The following POLH variants were observed in gnomAD, a reference collection of about 807,000 sequenced individuals.
The protein encoded by POLH is DNA polymerase eta, also known as DNA polymerase eta transcript.
Under a neutral mutation model 73.6 loss-of-function variants are expected in POLH, and 53 were observed. The ratio of observed to expected loss-of-function variants is 0.72; its 90% confidence interval spans 0.58 to 0.91. POLH has a LOEUF of 0.91. Among genes scored for constraint, POLH ranks in the 40% least tolerant of loss-of-function variants. POLH has a pLI of 0.00. For missense variants in POLH, 768 were observed against 865.4 expected (o/e 0.89, Z 1.41); for synonymous variants, 292 against 308.5 (o/e 0.95, Z 0.56).
chr6:43,614,197 G>C lies in POLH; in HGVS notation c.1782G>C (p.Glu594Asp). ...AATCCTCTAAAGCAACTCCTGCAGA[G>C]ATGGATTTGGCCCACAACAGCCAAA... ...LEESSKATPA[E>D]MDLAHNSQSM... Residue 594 changes from glutamate to aspartate, a missense_variant, in exon 11 of 11, where the codon GAG becomes GAC. Physicochemically the swap from Glu to Asp is conservative, Grantham distance 45 (BLOSUM62 2). Coordinates refer to ENST00000372236, the MANE Select transcript of POLH (RefSeq NM_006502.3). The C allele has an allele frequency of 6.2e-7, 1 of 1,613,478 alleles. No individual in the cohort carries two copies. Among genetic ancestry groups the C allele is most frequent in the Non-Finnish European group, 8.5e-7 (1 of 1,179,424 alleles).
chr6:43,586,342 G>A (rs958212277), intron 3 of POLH, among the ~76,000 whole-genome samples: 34 of 152,092 alleles, frequency 2.2e-4, no homozygotes, highest in Admixed American at 7.2e-4. Context: ...TTCACCAGGC[G>A]TGGTGGCAGG....
chr6:43,607,906 A>G (rs112769942), intron 9 of POLH, among the ~76,000 whole-genome samples: 5,007 of 152,214 alleles, frequency 0.033, 268 homozygotes, highest in African/African-American at 0.11. Context: ...CGAGGTGGGC[A>G]GATCACCTGA....
chr6:43,592,403 TC>T (rs1358766807), intron 4 of POLH, among the ~76,000 whole-genome samples: 3 of 147,188 alleles, frequency 2.0e-5, no homozygotes, highest in African/African-American at 2.6e-5. Context: ...CTTTGTATCT[TC>T]TTTTTTTTTT....
At position 43,583,133 on chromosome 6, in the gene POLH, C is replaced by T. The variant is rs1238825555; in HGVS notation, c.264C>T (p.Asn88=). Residue 88 remains asparagine (N), a synonymous_variant, in exon 3 of 11, where the codon AAC becomes AAT. Coordinates refer to ENST00000372236, the MANE Select transcript of POLH (RefSeq NM_006502.3). The stretch of plus-strand genomic sequence containing the variant: ...TTCGTGAGTCCCGTGGGAAAGCTAA[C>T]CTCACCAAGTAAGAAAAAAACATTA... ...AQVRESRGKA[N]LTKYREASVE... is the part of the protein sequence containing the mutation. 3 of 1,613,882 alleles carry T rather than the reference C, an allele frequency of 1.9e-6. No homozygotes were observed. Among genetic ancestry groups the T allele is most frequent in the East Asian group, 2.2e-5 (1 of 44,872 alleles).
rs1167886647 is a variant in POLH, at chr6:43,618,693, C to G, written c.*4136C>G. On this transcript the variant is annotated 3_prime_UTR_variant, in exon 11 of 11. Coordinates refer to ENST00000372236, the MANE Select transcript of POLH (RefSeq NM_006502.3). The stretch of plus-strand genomic sequence containing the variant: ...TCGCCCCGGCTGGAATGCAATGGCA[C>G]GATCTCGGCTCACTGCAACCTCCGC... 1.3e-5 allele frequency among the ~76,000 whole-genome samples: 2 copies of G among 152,124 alleles called. No homozygotes were observed. Among genetic ancestry groups the G allele is most frequent in the Non-Finnish European group, 2.9e-5 (2 of 68,024 alleles).
chr6:43,577,822 C>T (rs568616229), intron 1 of POLH, among the ~76,000 whole-genome samples: 8 of 152,338 alleles, frequency 5.3e-5, no homozygotes, highest in East Asian at 3.9e-4. Flanking sequence ...CGGTGGCACA[C>T]GCCTGTAATC....
intron 4 of POLH, among the ~76,000 whole-genome samples, chr6:43,594,395 C>T (rs891137717): frequency 1.8e-4 from 27 of 152,232 alleles, no homozygotes; most frequent in African/African-American, 5.1e-4. Context: ...GCAAAAAATG[C>T]GCAAGCCACT....
chr6:43,582,502 G>A (rs914350706), intron 2 of POLH, 46 bp downstream of exon 2: 6 of 1,586,970 alleles, frequency 3.8e-6, no homozygotes, highest in Non-Finnish European at 5.2e-6. Context: ...GTAACACAGT[G>A]GCACTGTGGC....
At chr6:43,578,311 C>T (rs1227799928) in intron 1 of POLH, 5 of 326,442 alleles carry the variant, frequency 1.5e-5, no homozygotes, top group East Asian at 1.1e-4. Context: ...CGCTTGAACC[C>T]GGGAGGCGTA....
At chr6:43,597,174 G>T (rs535190235) in intron 4 of POLH, among the ~76,000 whole-genome samples, 1 of 152,078 alleles carries the variant, frequency 6.6e-6, no homozygotes, top group Non-Finnish European at 1.5e-5. Flanking sequence ...GGAGTGCAGT[G>T]GCGCAATCTC....
At chr6:43,581,607 C>T (rs1247969470) in intron 1 of POLH, among the ~76,000 whole-genome samples, 1 of 148,436 alleles carries the variant, frequency 6.7e-6, no homozygotes, top group African/African-American at 2.6e-5. Flanking sequence ...TCCCGGGCGG[C>T]GCTCGCCGGC....
At chr6:43,600,263 C>G (rs1766584220) in intron 5 of POLH, among the ~76,000 whole-genome samples, 1 of 151,616 alleles carries the variant, frequency 6.6e-6, no homozygotes, top group Admixed American at 6.6e-5. Flanking sequence ...ACCAAAAATA[C>G]AAAAATTAGC....
rs1234991236 is a variant in POLH at position 43,614,247 on chromosome 6, A to G, written c.1832A>G (p.Lys611Arg). 4.4e-6 allele frequency: 7 copies of G among 1,606,174 alleles called. No individual in the cohort carries two copies. The highest frequency in any genetic ancestry group is 6.0e-6 in the Non-Finnish European group (7 of 1,174,626). ...AGCATGCACGCCTCTTCAGCTTCCAAATCTGTGCTGGAGGTGACTCAGAAA... is the reference window on the plus strand; with the variant it reads ...AGCATGCACGCCTCTTCAGCTTCCAGATCTGTGCTGGAGGTGACTCAGAAA... ...SQSMHASSAS[K>R]SVLEVTQKAT... Residue 611 changes from lysine (K) to arginine (R), a missense_variant, in exon 11 of 11, where the codon AAA (lysine) becomes AGA (arginine). Physicochemically the swap from Lys to Arg is conservative, Grantham distance 26. Transcript: ENST00000372236.
chr6:43,581,567 C>T (rs865807831), intron 1 of POLH, among the ~76,000 whole-genome samples: 2 of 150,150 alleles, frequency 1.3e-5, no homozygotes, highest in Non-Finnish European at 3.0e-5. Flanking sequence ...CTCGGGCCCG[C>T]GGGGCCCGTC....
At chr6:43,600,965 T>G in intron 5 of POLH, 23 bp from the exon 6 acceptor site, 1 of 1,532,852 alleles carries the variant, frequency 6.5e-7, no homozygotes. Context: ...GTAATGAGGT[T>G]TTTATACTTT....
Position 43,583,144 on chromosome 6 carries a change from A to G in POLH, c.272+3A>G. 1 of 1,613,796 alleles carries G rather than the reference A, an allele frequency of 6.2e-7. No homozygotes were observed. Among genetic ancestry groups the G allele is most frequent in the South Asian group, 1.1e-5 (1 of 91,084 alleles). On this transcript the variant is annotated splice_donor_region_variant and intron_variant, in intron 3 of 10. Coordinates refer to ENST00000372236, the MANE Select transcript of POLH (RefSeq NM_006502.3). ...CGTGGGAAAGCTAACCTCACCAAGT[A>G]AGAAAAAAACATTATTTAAGGAGAC...
intron 3 of POLH, among the ~76,000 whole-genome samples, chr6:43,583,898 G>A (rs955576731): frequency 6.6e-6 from 1 of 152,110 alleles, no homozygotes; most frequent in East Asian, 1.9e-4. Context: ...AGGCTGAGGC[G>A]GGCAGATCAC....
chr6:43,607,589 A>G (rs1767441914), intron 9 of POLH, among the ~76,000 whole-genome samples: 1 of 152,172 alleles, frequency 6.6e-6, no homozygotes, highest in South Asian at 2.1e-4. Flanking sequence ...CTTGGAGTAT[A>G]ATTTCTGGGT....
Position 43,617,289 on chromosome 6 carries a change from C to A in POLH, c.*2732C>A, listed in dbSNP as rs182665486. On this transcript the variant is annotated 3_prime_UTR_variant, in exon 11 of 11. Transcript: ENST00000372236. ...GGGAACTTATTAGAAATAGTCTCAGCCTCACCACTATTCCCACTTAATTGT... is the reference window on the plus strand; with the variant it reads ...GGGAACTTATTAGAAATAGTCTCAGACTCACCACTATTCCCACTTAATTGT... 2.0e-5 allele frequency among the ~76,000 whole-genome samples: 3 copies of A among 152,152 alleles called. No individual in the cohort carries two copies. Among genetic ancestry groups the A allele is most frequent in the African/African-American group, 7.2e-5 (3 of 41,438 alleles).
Sources: gnomAD v4.1 joint callset for allele counts (sites outside exome capture counted in the v4.1 genomes callset) on GRCh38, gnomAD v4.1.1 for gene constraint, MANE v1.5 for transcripts, NCBI Gene and HGNC (gene_info 2026-07-23, HGNC 2026-07-21) for gene names.